Variants in IL19 observed in about 807,000 individuals in gnomAD.
The protein encoded by IL19 is interleukin 19.
A neutral mutation model predicts 19.5 loss-of-function variants in IL19; 15 were observed. The observed-to-expected ratio is 0.77, with a 90% CI of 0.52 to 1.19. The LOEUF (loss-of-function observed/expected upper bound fraction) is 1.19. Ranked by LOEUF, IL19 falls within the 50% of genes most tolerant of loss-of-function variation. IL19 has a pLI of 0.00. For synonymous variants in IL19, 78 were observed against 78.3 expected (o/e 1.00, Z 0.02); for missense variants, 199 against 213.1 (o/e 0.93, Z 0.41).
chr1:206,792,614 G>A (rs912453098), intron 1 of IL19, among the ~76,000 whole-genome samples: 4 of 152,034 alleles, frequency 2.6e-5, no homozygotes, highest in Admixed American at 6.5e-5. Context: ...ATGCCACCAC[G>A]CCCAGCTAAT....
chr1:206,782,302 G>A (rs369249807), intron 1 of IL19, among the ~76,000 whole-genome samples: 10 of 152,052 alleles, frequency 6.6e-5, no homozygotes, highest in African/African-American at 2.4e-4. Context: ...CCTCACAACT[G>A]CTCTTACATG....
intron 2 of IL19, among the ~76,000 whole-genome samples, chr1:206,813,767 C>G (rs1403753566): frequency 6.6e-6 from 1 of 152,060 alleles, no homozygotes; most frequent in Non-Finnish European, 1.5e-5. Flanking sequence ...TAATTAAGCA[C>G]TAATCAGGTA....
chr1:206,826,715 G>A (rs908704), intron 2 of IL19, among the ~76,000 whole-genome samples: 110,533 of 152,112 alleles, frequency 0.73, 40,807 homozygotes, highest in Non-Finnish European at 0.8. Context: ...AACCACATCC[G>A]ATTTCCACAG....
chr1:206,837,180 G>A (rs1572575591), intron 4 of IL19, among the ~76,000 whole-genome samples, 157 bp downstream of exon 4: 3 of 152,240 alleles, frequency 2.0e-5, no homozygotes, highest in South Asian at 2.1e-4. Flanking sequence ...GTTAGGGCAC[G>A]CTAGTGTCCC....
chr1:206,837,105 G>C (rs187765291), intron 4 of IL19, 82 bp downstream of exon 4: 463 of 1,117,858 alleles, frequency 4.1e-4, no homozygotes, highest in South Asian at 9.7e-4. Context: ...TCCCTACCTT[G>C]TCCCCTTCTC....
At chr1:206,782,448 C>A (rs926758721) in intron 1 of IL19, among the ~76,000 whole-genome samples, 6 of 152,100 alleles carry the variant, frequency 3.9e-5, no homozygotes, top group African/African-American at 1.4e-4. Flanking sequence ...TGGGTGAGGA[C>A]AAGTAGGAGG....
rs1381006372 is a variant in IL19, at chr1:206,839,955, A to T, written c.316A>T (p.Ser106Cys). The change falls in exon 5 of 7, where the codon AGC becomes TGC. Residue 106 changes from serine to cysteine, a missense_variant. Coordinates refer to ENST00000659997, the MANE Select transcript of IL19 (RefSeq NM_153758.5). Reference protein sequence around the residue: ...PNPKILRKISSIANSFLYMQK... With the variant: ...PNPKILRKISCIANSFLYMQK... The stretch of plus-strand genomic sequence containing the variant: ...CCCCAAAATCTTGAGAAAAATCAGC[A>T]GCATTGCCAACTCTTTCCTCTACAT... The T allele has an allele frequency of 3.7e-6, 6 of 1,614,094 alleles. No homozygotes were observed. The Admixed American group carries it at 5.0e-5, about 13-fold the overall frequency.
At chr1:206,837,166 A>G in intron 4 of IL19, 143 bp downstream of exon 4, 1 of 676,476 alleles carries the variant, frequency 1.5e-6, no homozygotes, top group Non-Finnish European at 2.5e-6. Context: ...TTGTCAGATG[A>G]TGTGTTAGGG....
At chr1:206,824,976 G>A (rs1442630392) in intron 2 of IL19, among the ~76,000 whole-genome samples, 1 of 152,206 alleles carries the variant, frequency 6.6e-6, no homozygotes, top group African/African-American at 2.4e-5. Context: ...GGCTGTTCTC[G>A]AACTCCTGAC....
At position 206,814,690 on chromosome 1, in the gene IL19, TCACACA is replaced by T. The variant is rs34474731; in HGVS notation, c.-3+15715_-3+15720del. Among the ~76,000 whole-genome samples, 53 of 140,562 alleles carry T rather than the reference TCACACA, an allele frequency of 3.8e-4. 1 individual carries two copies. The highest frequency in any genetic ancestry group is 1.6e-3 in the South Asian group (7 of 4,266). 92.2% of individuals were successfully genotyped at this position (140,562 alleles called of 152,430 possible). On this transcript the variant is annotated intron_variant, in intron 2 of 6. Coordinates refer to ENST00000659997, the MANE Select transcript of IL19 (RefSeq NM_153758.5). ...GCCTGGGCAACAGAGTGAAACTCTG[TCACACA>T]CACACACACACACACACACACACAC...
Position 206,842,559 on chromosome 1 carries a change from G to T in IL19, c.471G>T (p.Leu157=). 1 of 1,575,776 alleles carries T rather than the reference G, an allele frequency of 6.3e-7. No individual in the cohort carries two copies. The highest frequency in any genetic ancestry group is 1.3e-5 in the African/African-American group (1 of 74,456). ...LEVHAAAIKS[L]GELDVFLAWI... ...TCCACGCTGCTGCCATTAAATCCCT[G>T]GGAGAGCTCGACGTCTTTCTAGCCT... Residue 157 remains leucine (L), a synonymous_variant, in exon 7 of 7, where the codon CTG becomes CTT. Coordinates refer to ENST00000659997, the MANE Select transcript of IL19 (RefSeq NM_153758.5).
At chr1:206,842,009 G>A (rs944644429) in intron 6 of IL19, among the ~76,000 whole-genome samples, 2 of 152,222 alleles carry the variant, frequency 1.3e-5, no homozygotes, top group African/African-American at 2.4e-5. Context: ...GGTGGAATAA[G>A]GCAGGAGACT....
intron 2 of IL19, among the ~76,000 whole-genome samples, chr1:206,835,408 C>T (rs1420741222): frequency 4.6e-5 from 7 of 152,182 alleles, no homozygotes; most frequent in African/African-American, 1.2e-4. Flanking sequence ...CTGTCTATTC[C>T]CTGGGAATGA....
At chr1:206,781,584 A>G (rs1009024600) in intron 1 of IL19, among the ~76,000 whole-genome samples, 4 of 151,664 alleles carry the variant, frequency 2.6e-5, no homozygotes, top group Non-Finnish European at 4.4e-5. Flanking sequence ...TGCATTTTGG[A>G]TGCACAGCTG....
At chr1:206,795,029 CT>C (rs1433073097) in intron 1 of IL19, among the ~76,000 whole-genome samples, 1 of 152,224 alleles carries the variant, frequency 6.6e-6, no homozygotes, top group Admixed American at 6.5e-5. Context: ...CCCATGCCAG[CT>C]AAAGCAACCT....
chr1:206,840,983 G>A (rs778908860), intron 5 of IL19, 21 bp from the exon 6 acceptor site: 2 of 1,608,536 alleles, frequency 1.2e-6, no homozygotes, highest in Admixed American at 1.7e-5. Flanking sequence ...TCTGATAGGA[G>A]CTTCCTCCAC....
chr1:206,823,411 T>A (rs1220797531), intron 2 of IL19, among the ~76,000 whole-genome samples: 1 of 151,782 alleles, frequency 6.6e-6, no homozygotes, highest in Admixed American at 6.6e-5. Context: ...AAAAATTAGC[T>A]GGGCGTGGTG....
intron 1 of IL19, among the ~76,000 whole-genome samples, chr1:206,790,166 C>A (rs529587448): frequency 1.8e-4 from 28 of 152,272 alleles, no homozygotes; most frequent in Middle Eastern, 3.4e-3. Flanking sequence ...AGTGTATAAG[C>A]GTTCCCTTTT....
chr1:206,834,476 A>T, intron 2 of IL19: 1 of 982,540 alleles, frequency 1.0e-6, no homozygotes, highest in Non-Finnish European at 1.2e-6. Flanking sequence ...TGCCGCAGGG[A>T]GGTGACCTGT....
Sources: gnomAD v4.1 joint callset for allele counts (sites outside exome capture counted in the v4.1 genomes callset) on GRCh38, gnomAD v4.1.1 for gene constraint, MANE v1.5 for transcripts, NCBI Gene and HGNC (gene_info 2026-07-23, HGNC 2026-07-21) for gene names.